Variants in RARB observed in about 807,000 individuals in gnomAD.
RARB encodes retinoic acid receptor beta.
Under a neutral mutation model 51.9 loss-of-function variants are expected in RARB, and 17 were observed. That is an observed-to-expected ratio of 0.33 (90% confidence interval 0.22 to 0.49). The LOEUF is 0.49. Among genes scored for constraint, RARB ranks in the 20% least tolerant of loss-of-function variants. The pLI is 0.99. For synonymous variants in RARB, 215 were observed against 195.4 expected, an observed-to-expected ratio of 1.10 and a Z score of -0.84; for missense variants, 369 against 550.8, an observed-to-expected ratio of 0.67 and a Z score of 3.30.
Position 25,384,366 on chromosome 3 carries a change from C to T in RARB, c.179-76827C>T, listed in dbSNP as rs180702615. ...TTTATTGTTGTTATTTCCTATTAAC[C>T]GATAGGGTGGAATATGAGCAGCATG... On this transcript the variant is annotated intron_variant, in intron 5 of 11. Transcript: ENST00000383772. Among the ~76,000 whole-genome samples, 16 of 152,164 alleles carry T rather than the reference C, an allele frequency of 1.1e-4. No individual in the cohort carries two copies. The East Asian group carries it at 2.1e-3, about 20-fold the overall frequency.
At chr3:25,012,033 G>GA (rs1307091150) in intron 2 of RARB, among the ~76,000 whole-genome samples, 1 of 152,092 alleles carries the variant, frequency 6.6e-6, no homozygotes, top group African/African-American at 2.4e-5. Flanking sequence ...ATGAGGAATA[G>GA]AGACAAGTAC....
At chr3:25,390,212 G>A (rs947318440) in intron 5 of RARB, among the ~76,000 whole-genome samples, 5 of 152,146 alleles carry the variant, frequency 3.3e-5, no homozygotes, top group Non-Finnish European at 7.3e-5. Flanking sequence ...AGGCCTGAAA[G>A]CCAGGTGCTG....
intron 5 of RARB, among the ~76,000 whole-genome samples, chr3:25,256,512 A>G (rs1702868314): frequency 6.6e-6 from 1 of 152,202 alleles, no homozygotes; most frequent in Non-Finnish European, 1.5e-5. Flanking sequence ...AGATCCTTTA[A>G]AGGATGTCCA....
At chr3:24,937,192 C>T (rs1488053006) in intron 2 of RARB, among the ~76,000 whole-genome samples, 2 of 152,088 alleles carry the variant, frequency 1.3e-5, no homozygotes, top group Admixed American at 1.3e-4. Flanking sequence ...AAAGTCGTGT[C>T]TTCTTTCTTC....
intron 1 of RARB, among the ~76,000 whole-genome samples, chr3:25,455,637 T>C (rs1042360590): frequency 1.2e-4 from 18 of 152,318 alleles, no homozygotes; most frequent in African/African-American, 3.4e-4. Flanking sequence ...TCTCCACTCA[T>C]GTGCGCAGTT....
chr3:25,414,211 TTATTA>T (rs1487069471), intron 5 of RARB, among the ~76,000 whole-genome samples: 1 of 152,256 alleles, frequency 6.6e-6, no homozygotes. Context: ...CTCAGAATGA[TTATTA>T]TGAGATTCAT....
chr3:25,025,411 G>T (rs532837697), intron 2 of RARB, among the ~76,000 whole-genome samples: 13 of 152,142 alleles, frequency 8.5e-5, no homozygotes, highest in East Asian at 1.9e-4. Context: ...GTATAGACTT[G>T]TGCCAAGCCC....
chr3:25,418,487 A>G (rs1172804568), intron 5 of RARB, among the ~76,000 whole-genome samples: 1 of 152,140 alleles, frequency 6.6e-6, no homozygotes, highest in Non-Finnish European at 1.5e-5. Context: ...AGGATTATGA[A>G]TTTACCTAAC....
At chr3:24,909,979 GAA>G (rs1205321998) in intron 2 of RARB, among the ~76,000 whole-genome samples, 2 of 152,058 alleles carry the variant, frequency 1.3e-5, no homozygotes, top group African/African-American at 4.8e-5. Context: ...CCGCAAAATT[GAA>G]AAAGTCTGCT....
At chr3:25,004,299 T>C (rs922002618) in intron 2 of RARB, among the ~76,000 whole-genome samples, 4 of 152,120 alleles carry the variant, frequency 2.6e-5, no homozygotes, top group Admixed American at 1.3e-4. Context: ...AAATAGGATT[T>C]AGTGAAAATA....
intron 5 of RARB, among the ~76,000 whole-genome samples, chr3:25,362,783 C>T (rs976642989): frequency 2.0e-5 from 3 of 152,148 alleles, no homozygotes; most frequent in African/African-American, 4.8e-5. Flanking sequence ...TGCTTTGGCT[C>T]ATCCTTCATG....
At chr3:25,393,179 G>A (rs1707020842) in intron 5 of RARB, among the ~76,000 whole-genome samples, 1 of 151,998 alleles carries the variant, frequency 6.6e-6, no homozygotes, top group Non-Finnish European at 1.5e-5. Flanking sequence ...CTGCTTATGT[G>A]TTGTATCACA....
intron 3 of RARB, among the ~76,000 whole-genome samples, chr3:25,545,640 A>C (rs1025095629): frequency 7.9e-5 from 12 of 152,198 alleles, no homozygotes; most frequent in African/African-American, 2.4e-4. Flanking sequence ...CAGACAGAAC[A>C]CCTCTCTGCA....
intron 1 of RARB, among the ~76,000 whole-genome samples, chr3:25,458,124 C>A (rs1257349857): frequency 1.3e-5 from 2 of 152,098 alleles, no homozygotes; most frequent in Non-Finnish European, 2.9e-5. Flanking sequence ...AAATAACAAC[C>A]TTTGAACTGA....
chr3:25,144,917 T>A lies in RARB; in HGVS notation c.-280+12709T>A, dbSNP rs558458103. Reference sequence around the variant, plus strand: ...GCCACCTTTAATTTACCTTGTCTAATTAGCACTTCAGCATACAGTATGCCT... The same window carrying A: ...GCCACCTTTAATTTACCTTGTCTAAATAGCACTTCAGCATACAGTATGCCT... On this transcript the variant is annotated intron_variant, in intron 4 of 11. Coordinates refer to the RARB transcript ENST00000383772. 3.3e-5 allele frequency among the ~76,000 whole-genome samples: 5 copies of A among 152,336 alleles called. No individual in the cohort carries two copies. The South Asian group carries it at 1.0e-3, about 32-fold the overall frequency.
chr3:24,829,550 T>G (rs1702252392), intron 1 of RARB, among the ~76,000 whole-genome samples: 1 of 151,850 alleles, frequency 6.6e-6, no homozygotes, highest in Non-Finnish European at 1.5e-5. Flanking sequence ...GGATTTTGCG[T>G]GTACCGCGGC....
chr3:24,991,168 C>A (rs529407854), intron 2 of RARB, among the ~76,000 whole-genome samples: 1 of 152,186 alleles, frequency 6.6e-6, no homozygotes, highest in South Asian at 2.1e-4. Context: ...GGGTTAGGCA[C>A]GGTGACTCAC....
chr3:25,024,969 A>AAAAAAG, intron 2 of RARB: 1 of 151,722 alleles, frequency 6.6e-6, no homozygotes, highest in Non-Finnish European at 1.5e-5. Flanking sequence ...AAAAAAAAAA[A>AAAAAAG]AAAAAAGGAA....
chr3:25,132,076 C>T (rs761371621), intron 3 of RARB, among the ~76,000 whole-genome samples: 11 of 151,870 alleles, frequency 7.2e-5, no homozygotes, highest in African/African-American at 1.2e-4. Context: ...CATCTTGACA[C>T]ATTACACCAT....
Sources: gnomAD v4.1 joint callset for allele counts (sites outside exome capture counted in the v4.1 genomes callset) on GRCh38, gnomAD v4.1.1 for gene constraint, MANE v1.5 for transcripts, NCBI Gene and HGNC (gene_info 2026-07-23, HGNC 2026-07-21) for gene names.